Variants in SGCD observed in about 807,000 individuals in gnomAD.
SGCD encodes delta-sarcoglycan.
In SGCD, 18 loss-of-function variants were observed where a neutral mutation model predicts 36.6. The ratio of observed to expected loss-of-function variants is 0.49; its 90% CI spans 0.34 to 0.73. The LOEUF is 0.73. Ranked by LOEUF, SGCD falls within the 30% of genes least tolerant of loss-of-function variation. The pLI, the probability that SGCD is intolerant of heterozygous loss-of-function variation, is 0.01. For missense variants in SGCD, 387 were observed against 346.7 expected, an observed-to-expected ratio of 1.12 and a Z score of -0.92; for synonymous variants, 133 against 130.6, an observed-to-expected ratio of 1.02 and a Z score of -0.12.
At chr5:156,371,198 A>G (rs1024461941) in intron 3 of SGCD, among the ~76,000 whole-genome samples, 3 of 152,196 alleles carry the variant, frequency 2.0e-5, no homozygotes, top group African/African-American at 4.8e-5. Flanking sequence ...ATTGAGACCA[A>G]TTGAAGCAGT....
rs557206900 is a variant in SGCD at position 156,678,677 on chromosome 5, T to C, written c.575+31141T>C. On this transcript the variant is annotated intron_variant, in intron 7 of 8. Transcript: ENST00000337851. ...ATTGTTTGTCTGAAGGAAGCAAAGATAACAAAGAGGAAATTATAGTTTGTG... is the reference window on the plus strand; with the variant it reads ...ATTGTTTGTCTGAAGGAAGCAAAGACAACAAAGAGGAAATTATAGTTTGTG... 3.3e-5 allele frequency among the ~76,000 whole-genome samples: 5 copies of C among 152,288 alleles called. No individual in the cohort carries two copies. In the East Asian group the frequency reaches 9.6e-4, roughly 29 times the overall value.
the SGCD span, among the ~76,000 whole-genome samples, chr5:155,793,134 T>C: frequency 6.6e-6 from 1 of 152,194 alleles, no homozygotes; most frequent in Non-Finnish European, 1.5e-5. Flanking sequence ...GCCATTATCC[T>C]AAGGAAATTA....
At chr5:155,844,127 A>G in the SGCD span, among the ~76,000 whole-genome samples, 1 of 151,750 alleles carries the variant, frequency 6.6e-6, no homozygotes, top group Admixed American at 6.6e-5. Flanking sequence ...AAAAAAAACA[A>G]TCAGCTTGTG....
At chr5:155,749,355 A>C in the SGCD span, among the ~76,000 whole-genome samples, 1 of 152,228 alleles carries the variant, frequency 6.6e-6, no homozygotes, top group African/African-American at 2.4e-5. Flanking sequence ...CTTGACATCA[A>C]GGTATAACTC....
chr5:156,213,508 G>C (rs77651216), intron 3 of SGCD, among the ~76,000 whole-genome samples: 3,292 of 152,118 alleles, frequency 0.022, 59 homozygotes, highest in Non-Finnish European at 0.029. Context: ...TTATGGAACT[G>C]ATAGCTTCAC....
At chr5:156,670,054 G>T (rs1470942874) in intron 7 of SGCD, among the ~76,000 whole-genome samples, 3 of 152,080 alleles carry the variant, frequency 2.0e-5, no homozygotes, top group Admixed American at 6.6e-5. Context: ...GAGGGGCAAT[G>T]TGACTACATC....
At chr5:156,305,529 G>A (rs1343853953) in intron 3 of SGCD, among the ~76,000 whole-genome samples, 5 of 152,162 alleles carry the variant, frequency 3.3e-5, no homozygotes, top group Admixed American at 2.6e-4. Context: ...CAGGAGTGGG[G>A]CCCTCATGGA....
In SGCD at chr5:156,480,534, G is replaced by T. The variant is rs188215508; in HGVS notation, c.193-28067G>T. Among the ~76,000 whole-genome samples, 633 of 152,316 alleles carry T rather than the reference G, an allele frequency of 4.2e-3. 4 individuals are homozygous for T. The highest frequency in any genetic ancestry group is 0.014 in the African/African-American group (599 of 41,574). On this transcript the variant is annotated intron_variant, in intron 3 of 8. Transcript: ENST00000337851. ...AGCCACTGTGCAAAGGAAATCAGAT[G>T]ACCTTGATGGCTTTTAGCTGGGATC... is the stretch of plus-strand genomic sequence containing the variant.
chr5:156,441,526 A>G (rs1753491175), intron 3 of SGCD, among the ~76,000 whole-genome samples: 1 of 152,200 alleles, frequency 6.6e-6, no homozygotes, highest in Non-Finnish European at 1.5e-5. Context: ...TACAGAACTA[A>G]AAATGATCAT....
At chr5:156,162,955 T>A (rs998715101) in intron 3 of SGCD, among the ~76,000 whole-genome samples, 1 of 151,592 alleles carries the variant, frequency 6.6e-6, no homozygotes, top group Admixed American at 6.6e-5. Context: ...TTGGTGTTTA[T>A]CTAACTTCCC....
chr5:155,837,759 A>T, the SGCD span, among the ~76,000 whole-genome samples: 1 of 152,226 alleles, frequency 6.6e-6, no homozygotes, highest in Non-Finnish European at 1.5e-5. Flanking sequence ...TTACGTAGAA[A>T]TCAGCAAAAT....
intron 1 of SGCD, among the ~76,000 whole-genome samples, chr5:155,962,254 A>G (rs2113451302): frequency 6.6e-6 from 1 of 152,188 alleles, no homozygotes; most frequent in African/African-American, 2.4e-5. Context: ...CGAGCTTAGG[A>G]AATCATTCTA....
At chr5:155,973,891 T>C (rs975603022) in intron 1 of SGCD, among the ~76,000 whole-genome samples, 4 of 152,186 alleles carry the variant, frequency 2.6e-5, no homozygotes, top group African/African-American at 9.6e-5. Context: ...ATTGTATAAA[T>C]CTGTGTGATC....
chr5:155,751,766 C>T, the SGCD span, among the ~76,000 whole-genome samples: 2 of 151,730 alleles, frequency 1.3e-5, no homozygotes, highest in Middle Eastern at 3.2e-3. Context: ...AAACAAGAAC[C>T]AACGTTCTGC....
intron 3 of SGCD, among the ~76,000 whole-genome samples, chr5:156,439,284 AAG>A (rs1481844423): frequency 2.0e-5 from 3 of 152,118 alleles, no homozygotes; most frequent in Non-Finnish European, 4.4e-5. Context: ...CAGTAAGTGA[AAG>A]AGCTGAGGAG....
intron 3 of SGCD, among the ~76,000 whole-genome samples, chr5:156,148,034 A>G (rs1762745835): frequency 6.6e-6 from 1 of 152,222 alleles, no homozygotes; most frequent in African/African-American, 2.4e-5. Flanking sequence ...AAAGCCTATA[A>G]TCATAAACCT....
At chr5:156,735,745 G>A (rs1172857077) in intron 7 of SGCD, among the ~76,000 whole-genome samples, 2 of 152,084 alleles carry the variant, frequency 1.3e-5, no homozygotes, top group East Asian at 3.9e-4. Flanking sequence ...TCGCTGCTTT[G>A]CCCCCTGGAT....
intron 1 of SGCD, among the ~76,000 whole-genome samples, chr5:156,075,158 G>A (rs73298672): frequency 0.019 from 2,812 of 151,886 alleles, 79 homozygotes; most frequent in African/African-American, 0.064. Context: ...CAAAGTCAAC[G>A]TTAGCCTAGT....
intron 7 of SGCD, among the ~76,000 whole-genome samples, chr5:156,730,888 C>T (rs1659084609): frequency 6.6e-6 from 1 of 152,102 alleles, no homozygotes; most frequent in South Asian, 2.1e-4. Flanking sequence ...CCTTTTTCTC[C>T]ACAACCTCAC....
Sources: allele counts gnomAD v4.1 joint callset (sites outside exome capture counted in the v4.1 genomes callset), GRCh38; gene constraint gnomAD v4.1.1; transcripts MANE v1.5; gene names NCBI Gene and HGNC (gene_info 2026-07-23, HGNC 2026-07-21).